UNC13C: variants seen among roughly 807,000 people sequenced by gnomAD.
UNC13C encodes the protein unc-13 homolog C.
Under a neutral mutation model 245.4 loss-of-function variants are expected in UNC13C, and 174 were observed. The ratio of observed to expected loss-of-function variants is 0.71; its 90% CI spans 0.63 to 0.80. UNC13C has a LOEUF of 0.80. Among genes scored for constraint, UNC13C ranks in the 30% least tolerant of loss-of-function variants. The pLI is 0.00. For missense variants in UNC13C, 2,829 were observed against 2,602.9 expected (o/e 1.09, Z -1.89); for synonymous variants, 992 against 895.1 (o/e 1.11, Z -1.93).
chr15:54,484,043 G>A (rs1893272681), intron 19 of UNC13C, among the ~76,000 whole-genome samples: 1 of 150,570 alleles, frequency 6.6e-6, no homozygotes, highest in African/African-American at 2.4e-5. Flanking sequence ...ATTTGTTGCA[G>A]GGTTGGGAAG....
At chr15:54,129,754 C>T (rs11639161) in intron 2 of UNC13C, among the ~76,000 whole-genome samples, 55,513 of 151,078 alleles carry the variant, frequency 0.37, 10,258 homozygotes, top group Admixed American at 0.39. Flanking sequence ...ACTATATCCT[C>T]TTACATAATA....
intron 2 of UNC13C, among the ~76,000 whole-genome samples, chr15:54,102,869 T>G (rs991648231): frequency 2.6e-5 from 4 of 152,186 alleles, no homozygotes; most frequent in Non-Finnish European, 5.9e-5. Context: ...GACAGTAGCA[T>G]TCTTTGCTAA....
chr15:54,552,743 TTATATAGTACAATATATAA>T (rs1430092004), intron 28 of UNC13C, among the ~76,000 whole-genome samples: 15 of 78,102 alleles, frequency 1.9e-4, no homozygotes, highest in Middle Eastern at 0.016. Flanking sequence ...ATAATATATA[TTATATAGTACAATATATAA>T]TATATAGTAC....
chr15:54,523,841 G>A (rs1224095636), intron 24 of UNC13C, among the ~76,000 whole-genome samples: 1 of 152,206 alleles, frequency 6.6e-6, no homozygotes, highest in African/African-American at 2.4e-5. Context: ...TGAGCAGGAA[G>A]TGGAGAGCCT....
intron 2 of UNC13C, among the ~76,000 whole-genome samples, chr15:54,095,349 T>A (rs1000124410): frequency 3.9e-5 from 6 of 152,166 alleles, no homozygotes; most frequent in Non-Finnish European, 7.3e-5. Context: ...AGGACCATCA[T>A]TACACAGCAT....
At chr15:54,103,806 G>A (rs754449545) in intron 2 of UNC13C, among the ~76,000 whole-genome samples, 12 of 152,102 alleles carry the variant, frequency 7.9e-5, no homozygotes, top group Non-Finnish European at 1.5e-4. Context: ...GTGCAGTGGC[G>A]CCATCTTGGC....
chr15:54,154,443 C>G (rs1238206260), intron 4 of UNC13C, among the ~76,000 whole-genome samples: 1 of 151,924 alleles, frequency 6.6e-6, no homozygotes, highest in Admixed American at 6.6e-5. Context: ...GAATTAATGT[C>G]TAAAAGATCT....
chr15:54,118,900 CG>C (rs1387201474), intron 2 of UNC13C, among the ~76,000 whole-genome samples: 1 of 146,410 alleles, frequency 6.8e-6, no homozygotes, highest in Non-Finnish European at 1.5e-5. Flanking sequence ...AATGATCTTA[CG>C]GTTTTTTTTT....
chr15:54,561,576 C>G (rs1279034426), intron 29 of UNC13C, among the ~76,000 whole-genome samples: 1 of 151,942 alleles, frequency 6.6e-6, no homozygotes, highest in Admixed American at 6.6e-5. Context: ...GTAGACTACT[C>G]TGTGGACTGG....
At chr15:54,521,050 G>T (rs1384834063) in intron 24 of UNC13C, among the ~76,000 whole-genome samples, 2 of 152,124 alleles carry the variant, frequency 1.3e-5, no homozygotes, top group Admixed American at 6.5e-5. Flanking sequence ...GAATGAAAAG[G>T]GAAAGAGATA....
At chr15:54,470,693 C>T (rs549542670) in intron 19 of UNC13C, among the ~76,000 whole-genome samples, 21 of 151,030 alleles carry the variant, frequency 1.4e-4, no homozygotes, top group South Asian at 8.3e-4. Context: ...TTTTAAAAGC[C>T]AATTTTTTGT....
chr15:54,537,206 G>A (rs1007750509), intron 26 of UNC13C, among the ~76,000 whole-genome samples: 7 of 151,754 alleles, frequency 4.6e-5, no homozygotes, highest in African/African-American at 9.7e-5. Flanking sequence ...GAGCCAAATC[G>A]AGAACACAGT....
chr15:54,207,459 A>G (rs1171568678), intron 4 of UNC13C, among the ~76,000 whole-genome samples: 1 of 152,058 alleles, frequency 6.6e-6, no homozygotes, highest in Non-Finnish European at 1.5e-5. Context: ...GGCCCTCACC[A>G]CACATAGCTG....
At chr15:53,909,026 T>C in the UNC13C span, among the ~76,000 whole-genome samples, 1 of 146,368 alleles carries the variant, frequency 6.8e-6, no homozygotes. Context: ...GTATAAATAA[T>C]ATTGTTTTAT....
chr15:54,061,064 A>G (rs1897804462), intron 2 of UNC13C, among the ~76,000 whole-genome samples: 1 of 152,152 alleles, frequency 6.6e-6, no homozygotes, highest in Non-Finnish European at 1.5e-5. Context: ...ACATGTATAC[A>G]TATGTAACAA....
intron 7 of UNC13C, among the ~76,000 whole-genome samples, chr15:54,243,254 A>G: frequency 6.6e-6 from 1 of 150,432 alleles, no homozygotes; most frequent in Admixed American, 6.8e-5. Context: ...CTGTTCCTGT[A>G]TTAGTTTGCT....
chr15:54,032,354 G>A (rs1896392852), intron 2 of UNC13C, among the ~76,000 whole-genome samples: 1 of 152,150 alleles, frequency 6.6e-6, no homozygotes, highest in Admixed American at 6.5e-5. Context: ...GGATAAACAT[G>A]AGAGATGCTT....
chr15:53,846,614 T>C, the UNC13C span, among the ~76,000 whole-genome samples: 1 of 152,214 alleles, frequency 6.6e-6, no homozygotes, highest in Non-Finnish European at 1.5e-5. Context: ...AAGCTGAGCA[T>C]ATTTATGTAT....
At chr15:53,903,652 A>G in the UNC13C span, among the ~76,000 whole-genome samples, 5 of 152,306 alleles carry the variant, frequency 3.3e-5, no homozygotes, top group East Asian at 9.7e-4. Flanking sequence ...CGACTGTTCA[A>G]GACCTACTCT....
Sources: allele counts gnomAD v4.1 joint callset (sites outside exome capture counted in the v4.1 genomes callset), GRCh38; gene constraint gnomAD v4.1.1; transcripts MANE v1.5; gene names NCBI Gene and HGNC (gene_info 2026-07-23, HGNC 2026-07-21).